KDM4C: variants seen among roughly 807,000 people sequenced by gnomAD.
KDM4C encodes lysine-specific demethylase 4C.
Under a neutral mutation model 129.3 loss-of-function variants are expected in KDM4C, and 81 were observed. The observed-to-expected ratio is 0.63, with a 90% CI of 0.52 to 0.75. KDM4C has a LOEUF of 0.75. KDM4C is among the 30% of genes least tolerant of loss of function. KDM4C has a pLI of 0.00. For missense variants in KDM4C, 1,457 were observed against 1,304.0 expected (o/e 1.12, Z -1.81); for synonymous variants, 573 against 456.1 (o/e 1.26, Z -3.26).
intron 5 of KDM4C, among the ~76,000 whole-genome samples, chr9:6,854,535 A>AAAAAAAAAAAAAAAAAAAAAAT (rs1839437226): frequency 6.8e-6 from 1 of 147,328 alleles, no homozygotes; most frequent in African/African-American, 2.5e-5. Flanking sequence ...CAAAAAAAAA[A>AAAAAAAAAAAAAAAAAAAAAAT]AAAAAAAAAA....
intron 4 of KDM4C, among the ~76,000 whole-genome samples, chr9:6,819,831 T>C (rs939539136): frequency 5.9e-5 from 9 of 152,214 alleles, no homozygotes; most frequent in Non-Finnish European, 1.2e-4. Context: ...GTTGACTGTC[T>C]TATCTTTATA....
chr9:6,996,972 T>C (rs569029344), intron 12 of KDM4C, among the ~76,000 whole-genome samples: 173 of 152,126 alleles, frequency 1.1e-3, no homozygotes, highest in Non-Finnish European at 2.0e-3. Flanking sequence ...ATAAACAACT[T>C]TTATACTTGC....
chr9:6,864,040 C>T (rs1367821113), intron 5 of KDM4C, among the ~76,000 whole-genome samples: 2 of 152,202 alleles, frequency 1.3e-5, no homozygotes, highest in Non-Finnish European at 2.9e-5. Context: ...ACCACTATTA[C>T]AGTAATAGAG....
At chr9:7,156,028 C>A (rs556676605) in intron 19 of KDM4C, among the ~76,000 whole-genome samples, 36 of 152,286 alleles carry the variant, frequency 2.4e-4, no homozygotes, top group South Asian at 8.3e-4. Flanking sequence ...CTGTTGTTTC[C>A]TGACTTTTTA....
At chr9:7,081,628 G>C (rs1834529319) in intron 17 of KDM4C, among the ~76,000 whole-genome samples, 1 of 152,164 alleles carries the variant, frequency 6.6e-6, no homozygotes. Context: ...AATCACACCT[G>C]GCATTTCTTT....
rs73639822 is a variant in KDM4C, at chr9:7,141,692, G to T, written c.2781+13456G>T. Reference sequence around the variant, plus strand: ...GATGAGTTCAGACTTGGTTGTGTTGGAGTTTCTTCCCTTCTGCTCTGTTTT... The same window carrying T: ...GATGAGTTCAGACTTGGTTGTGTTGTAGTTTCTTCCCTTCTGCTCTGTTTT... On this transcript the variant is annotated intron_variant, in intron 19 of 21. Coordinates refer to ENST00000381309, the MANE Select transcript of KDM4C (RefSeq NM_015061.6). Among the ~76,000 whole-genome samples the T allele has an allele frequency of 7.2e-3, 1,103 of 152,238 alleles. 14 individuals are homozygous for T. The highest frequency in any genetic ancestry group is 0.025 in the African/African-American group (1,053 of 41,542).
intron 1 of KDM4C, among the ~76,000 whole-genome samples, chr9:6,772,243 G>C (rs1487648402): frequency 6.6e-6 from 1 of 152,040 alleles, no homozygotes; most frequent in Non-Finnish European, 1.5e-5. Flanking sequence ...TCCGCCTCCT[G>C]GGTTCAAGCA....
At chr9:7,037,871 C>G (rs544292694) in intron 15 of KDM4C, among the ~76,000 whole-genome samples, 2 of 152,168 alleles carry the variant, frequency 1.3e-5, no homozygotes, top group South Asian at 4.1e-4. Flanking sequence ...GGAACATTGG[C>G]TGACTAGCAG....
At chr9:6,900,904 C>G (rs1420266895) in intron 8 of KDM4C, among the ~76,000 whole-genome samples, 2 of 151,442 alleles carry the variant, frequency 1.3e-5, no homozygotes, top group African/African-American at 4.9e-5. Context: ...GGCCACCTAT[C>G]TCAATGTATG....
At chr9:7,019,505 A>G (rs1321051125) in intron 15 of KDM4C, among the ~76,000 whole-genome samples, 1 of 151,694 alleles carries the variant, frequency 6.6e-6, no homozygotes, top group African/African-American at 2.4e-5. Context: ...GGAACGTAAA[A>G]TATTCCTATA....
chr9:6,793,682 A>G (rs1289435399), intron 2 of KDM4C, among the ~76,000 whole-genome samples: 1 of 151,712 alleles, frequency 6.6e-6, no homozygotes, highest in East Asian at 1.9e-4. Flanking sequence ...CTGGGATTAC[A>G]GGCACCCACC....
rs183546545 is a variant in KDM4C, at chr9:6,831,669, T to C, written c.435+16924T>C. On this transcript the variant is annotated intron_variant, in intron 4 of 21. Coordinates refer to ENST00000381309, the MANE Select transcript of KDM4C (RefSeq NM_015061.6). ...TGATGAGATCTTTACCCTCATGTTTTCCTGGTAGATGCCTGAGCCTAATAA... is the reference window on the plus strand; with the variant it reads ...TGATGAGATCTTTACCCTCATGTTTCCCTGGTAGATGCCTGAGCCTAATAA... Among the ~76,000 whole-genome samples, 362 of 152,252 alleles carry C rather than the reference T, an allele frequency of 2.4e-3. 1 individual carries two copies. Among genetic ancestry groups the C allele is most frequent in the African/African-American group, 8.4e-3 (351 of 41,562 alleles).
Position 7,174,823 on chromosome 9 carries a change from A to G in KDM4C, c.*94A>G. The stretch of plus-strand genomic sequence containing the variant: ...GGGCTGTGCCGTGAGTTTTGCTGGC[A>G]TAGGTGACAGGGTGTGTCTCTGACA... On this transcript the variant is annotated 3_prime_UTR_variant, in exon 22 of 22. Coordinates refer to ENST00000381309, the MANE Select transcript of KDM4C (RefSeq NM_015061.6). The G allele has an allele frequency of 3.6e-6, 4 of 1,104,366 alleles. No individual in the cohort carries two copies. The highest frequency in any genetic ancestry group is 4.0e-6 in the Non-Finnish European group (3 of 750,788). The allele number at this position is 1,104,366 out of a possible 1,614,324, so 68.4% of individuals were successfully genotyped here. A position where few individuals can be genotyped will look rare whatever the true frequency, so the allele number is the denominator to read the frequency against.
At chr9:7,121,365 G>A (rs1009527485) in intron 18 of KDM4C, among the ~76,000 whole-genome samples, 1 of 152,168 alleles carries the variant, frequency 6.6e-6, no homozygotes, top group African/African-American at 2.4e-5. Context: ...ACACCCCAGA[G>A]TCTGAGGTTC....
chr9:7,087,569 T>C (rs986447541), intron 17 of KDM4C, among the ~76,000 whole-genome samples: 3 of 152,322 alleles, frequency 2.0e-5, no homozygotes, highest in East Asian at 3.9e-4. Context: ...AATATGCATA[T>C]TTTTGTTAAA....
chr9:6,951,198 T>G (rs2131508852), intron 8 of KDM4C, among the ~76,000 whole-genome samples: 1 of 152,250 alleles, frequency 6.6e-6, no homozygotes, highest in South Asian at 2.1e-4. Context: ...GTCTTCTTTC[T>G]TAGCTATTTG....
At chr9:6,750,320 C>A (rs897852269) in intron 1 of KDM4C, among the ~76,000 whole-genome samples, 1 of 151,740 alleles carries the variant, frequency 6.6e-6, no homozygotes, top group Non-Finnish European at 1.5e-5. Flanking sequence ...GCACCTGTAG[C>A]CCCAGCTACT....
At chr9:7,103,321 A>G (rs975597358) in intron 17 of KDM4C, among the ~76,000 whole-genome samples, 3 of 152,228 alleles carry the variant, frequency 2.0e-5, no homozygotes, top group Admixed American at 1.3e-4. Flanking sequence ...CCTGTCATGC[A>G]GGAGGGCAAA....
At chr9:6,854,542 A>C (rs1432368964) in intron 5 of KDM4C, among the ~76,000 whole-genome samples, 4 of 146,044 alleles carry the variant, frequency 2.7e-5, no homozygotes, top group Admixed American at 2.0e-4. Context: ...AAAAAAAAAA[A>C]AAACAAAAAA....
Sources: gnomAD v4.1 joint callset for allele counts (sites outside exome capture counted in the v4.1 genomes callset) on GRCh38, gnomAD v4.1.1 for gene constraint, MANE v1.5 for transcripts, NCBI Gene and HGNC (gene_info 2026-07-23, HGNC 2026-07-21) for gene names.